The following KIFC3 variants were observed in gnomAD, a reference collection of about 807,000 sequenced individuals.
KIFC3 encodes the protein kinesin-like protein KIFC3.
In KIFC3, 60 loss-of-function variants were observed where a neutral mutation model predicts 101.8. That is an observed-to-expected ratio of 0.59 (90% confidence interval 0.48 to 0.73). KIFC3 has a LOEUF of 0.73. Among genes scored for constraint, KIFC3 ranks in the 30% least tolerant of loss-of-function variants. The probability of loss-of-function intolerance (pLI) is 0.00; values close to 1 mark genes in which losing one functional copy is unlikely to be tolerated. For missense variants in KIFC3, 966 were observed against 1,137.1 expected (o/e 0.85, Z 2.16); for synonymous variants, 476 against 482.7 (o/e 0.99, Z 0.18).
chr16:57,803,348 T>C (rs1455221990), upstream of KIFC3: 2 of 646,338 alleles, frequency 3.1e-6, no homozygotes, highest in Admixed American at 4.2e-5. Flanking sequence ...CAGCATTTTA[T>C]TCCAGAGCCA....
intron 1 of KIFC3, among the ~76,000 whole-genome samples, chr16:57,843,751 T>C (rs940474950): frequency 1.3e-5 from 2 of 152,044 alleles, no homozygotes; most frequent in African/African-American, 2.4e-5. Context: ...AATACCTAAA[T>C]TGAATACCTT....
chr16:57,774,554 ACT>A (rs1296762247), intron 3 of KIFC3, among the ~76,000 whole-genome samples: 7 of 151,188 alleles, frequency 4.6e-5, no homozygotes, highest in African/African-American at 1.5e-4. Flanking sequence ...ACAGGGTCTC[ACT>A]CTGTCACCCA....
intron 1 of KIFC3, chr16:57,810,803 A>G (rs2055053179): frequency 1.9e-6 from 1 of 532,672 alleles, no homozygotes; most frequent in Non-Finnish European, 2.4e-6. Flanking sequence ...TATTATTCCC[A>G]TTGTACAGAT....
chr16:57,809,391 G>A (rs1231551148), intron 1 of KIFC3, among the ~76,000 whole-genome samples: 1 of 152,172 alleles, frequency 6.6e-6, no homozygotes, highest in Non-Finnish European at 1.5e-5. Flanking sequence ...AAACTCCTGA[G>A]TTGAAGCAGT....
chr16:57,802,864 A>C (rs544736385), upstream of KIFC3: 27 of 1,175,990 alleles, frequency 2.3e-5, no homozygotes, highest in Non-Finnish European at 3.1e-5. This position sits in a 1 kb window ranked among gnomAD's most constrained non-coding sequence, Gnocchi z 5.0. Context: ...CCCGAGTGCA[A>C]AACTTCCACG....
At chr16:57,783,723 T>A (rs1312217914) in intron 3 of KIFC3, among the ~76,000 whole-genome samples, 2 of 152,156 alleles carry the variant, frequency 1.3e-5, no homozygotes, top group African/African-American at 2.4e-5. Context: ...TCCACTCACC[T>A]CTGCTTCCCA....
upstream of KIFC3, chr16:57,803,406 A>T: frequency 1.9e-6 from 1 of 525,110 alleles, no homozygotes; most frequent in South Asian, 1.5e-5. Flanking sequence ...GCGGAAGAGG[A>T]GAAAGCAAGT....
chr16:57,775,376 G>A (rs1555611254), intron 3 of KIFC3: 5 of 1,083,468 alleles, frequency 4.6e-6, no homozygotes, highest in Non-Finnish European at 2.2e-6. Context: ...TCTGGCCAAG[G>A]CACCAGTGGC....
intron 3 of KIFC3, chr16:57,780,012 C>G (rs2052537710): frequency 6.6e-6 from 1 of 152,108 alleles, no homozygotes; most frequent in African/African-American, 2.4e-5. Flanking sequence ...TTTAAACCAT[C>G]AGACCTCATG....
chr16:57,766,493 G>A (rs2050502051), intron 10 of KIFC3, among the ~76,000 whole-genome samples: 2 of 152,138 alleles, frequency 1.3e-5, no homozygotes, highest in African/African-American at 2.4e-5. Context: ...GCACAGAGCA[G>A]GCACTCTAGA....
At chr16:57,759,438 A>C (rs1278650972) in intron 18 of KIFC3, 5 of 584,754 alleles carry the variant, frequency 8.6e-6, no homozygotes, top group Non-Finnish European at 1.5e-5. Context: ...CAGCCAGCCC[A>C]TGCTCAGAGA....
At chr16:57,806,747 T>C (rs1351127122), upstream of KIFC3, among the ~76,000 whole-genome samples, 1 of 152,246 alleles carries the variant, frequency 6.6e-6, no homozygotes, top group Non-Finnish European at 1.5e-5. Flanking sequence ...GCCCTGCAGC[T>C]GTGAAAAGTG....
At position 57,784,319 on chromosome 16, in the gene KIFC3, GGTAA is replaced by G. The variant is rs1555616476; in HGVS notation, c.315+10676_315+10679del. ...GCAGGCCCAGATAGTCAAGCTGTGG[GGTAA>G]GTGTGTAAGAGGAAGACACAAAGCA... On this transcript the variant is annotated intron_variant, in intron 3 of 19. Coordinates refer to ENST00000445690, the MANE Select transcript of KIFC3 (RefSeq NM_001130100.2). Among the ~76,000 whole-genome samples, 3 of 152,228 alleles carry G rather than the reference GGTAA, an allele frequency of 2.0e-5. No homozygotes were observed. The East Asian group carries it at 5.8e-4, about 29-fold the overall frequency.
chr16:57,815,342 G>A lies in KIFC3; in HGVS notation c.109-17060C>T, dbSNP rs574109796. 8 of 831,414 alleles carry A rather than the reference G, an allele frequency of 9.6e-6. No homozygotes were observed. The Admixed American group carries it at 3.8e-4, about 39-fold the overall frequency. 51.5% of individuals were successfully genotyped at this position (831,414 alleles called of 1,614,324 possible). A position where few individuals can be genotyped will look rare whatever the true frequency, so the allele number is the denominator to read the frequency against. ...TTTGTAACCAGAGTAGCTCCGGGTT[G>A]CTTCTGTTAGCTCAAGGCCACAGGT... On this transcript the variant is annotated intron_variant, in intron 1 of 2. Coordinates refer to the KIFC3 transcript ENST00000563028.
chr16:57,792,108 T>G (rs2053924208), intron 3 of KIFC3, among the ~76,000 whole-genome samples: 1 of 152,176 alleles, frequency 6.6e-6, no homozygotes, highest in Non-Finnish European at 1.5e-5. Context: ...TTGTACACAT[T>G]CCTTCAAGGC....
chr16:57,815,542 C>T (rs1431244052), intron 1 of KIFC3: 10 of 1,286,610 alleles, frequency 7.8e-6, no homozygotes, highest in South Asian at 2.5e-5. Flanking sequence ...TACCAGGATG[C>T]CCTCCAAGAC....
In KIFC3 at chr16:57,819,780, C is replaced by T. The variant is rs186656086; in HGVS notation, c.109-21498G>A. 3.0e-3 allele frequency among the ~76,000 whole-genome samples: 463 copies of T among 152,102 alleles called. 2 individuals carry two copies. The highest frequency in any genetic ancestry group is 0.017 in the Middle Eastern group (5 of 294). On this transcript the variant is annotated intron_variant, in intron 1 of 2. Transcript: ENST00000563028. ...TTCACCATGTTGGTCAGGCTGGTCT[C>T]GAACTCCTGAGCTCGTGATCTGCCT... is the stretch of plus-strand genomic sequence containing the variant.
Position 57,814,161 on chromosome 16 carries a change from C to A in KIFC3, c.109-15879G>T, listed in dbSNP as rs1247948225. Among the ~76,000 whole-genome samples the A allele has an allele frequency of 4.6e-5, 7 of 152,266 alleles. No homozygotes were observed. The East Asian group carries it at 1.2e-3, about 25-fold the overall frequency. On this transcript the variant is annotated intron_variant, in intron 1 of 2. Coordinates refer to the KIFC3 transcript ENST00000563028. Reference sequence around the variant, plus strand: ...CCAGCCTTCTCTCCCACTGACCCCACAAGGCACCCTCTTTCTGGTCTTTGA... The same window carrying A: ...CCAGCCTTCTCTCCCACTGACCCCAAAAGGCACCCTCTTTCTGGTCTTTGA...
chr16:57,766,104 G>A (rs2050451399), intron 10 of KIFC3, among the ~76,000 whole-genome samples: 1 of 152,174 alleles, frequency 6.6e-6, no homozygotes, highest in African/African-American at 2.4e-5. Flanking sequence ...TGTATCTGAG[G>A]GCCCAGATAG....
Sources: gnomAD v4.1 joint callset for allele counts (sites outside exome capture counted in the v4.1 genomes callset) on GRCh38, gnomAD v4.1.1 for gene constraint, Gnocchi (gnomAD v3.1) non-coding constraint, MANE v1.5 for transcripts, NCBI Gene and HGNC (gene_info 2026-07-23, HGNC 2026-07-21) for gene names.